The following NCK1 variants were observed in gnomAD, a reference collection of about 807,000 sequenced individuals.
NCK1 encodes the protein NCK adaptor protein 1, also known as SH2/SH3 adapter protein NCK1.
In NCK1, 19 loss-of-function variants were observed where a neutral mutation model predicts 36.6. That is an observed-to-expected ratio of 0.52 (90% CI 0.36 to 0.76). The LOEUF is 0.76. Ranked by LOEUF, NCK1 falls within the 30% of genes least tolerant of loss-of-function variation. NCK1 has a pLI of 0.00. For missense variants in NCK1, 358 were observed against 445.6 expected (o/e 0.80, Z 1.77); for synonymous variants, 165 against 156.0 (o/e 1.06, Z -0.43).
At chr3:136,869,752 C>G (rs1938552464) in intron 1 of NCK1, among the ~76,000 whole-genome samples, 1 of 152,068 alleles carries the variant, frequency 6.6e-6, no homozygotes. Context: ...GGTAAAATCT[C>G]TCTGTGGAGG....
chr3:136,867,543 G>C (rs1363472667), intron 1 of NCK1: 1 of 150,908 alleles, frequency 6.6e-6, no homozygotes, highest in African/African-American at 2.4e-5. Flanking sequence ...ACTGTGCCTG[G>C]TCTGTTGCTT....
rs546954847 is a variant in NCK1, at chr3:136,915,004, T to G, written c.-18-12980T>G. 5.6e-4 allele frequency among the ~76,000 whole-genome samples: 85 copies of G among 152,344 alleles called. 1 individual carries two copies. Among genetic ancestry groups the G allele is most frequent in the Non-Finnish European group, 1.1e-3 (73 of 68,024 alleles). ...TCATGTGATCTGTGTACATGCTGGCTTCTCTTTGCCATCTTTCATGGGTGG... is the reference window on the plus strand; with the variant it reads ...TCATGTGATCTGTGTACATGCTGGCGTCTCTTTGCCATCTTTCATGGGTGG... On this transcript the variant is annotated intron_variant, in intron 1 of 3. Transcript: ENST00000481752.
intron 1 of NCK1, among the ~76,000 whole-genome samples, chr3:136,927,504 A>T (rs1167331866): frequency 6.6e-6 from 1 of 152,110 alleles, no homozygotes; most frequent in Non-Finnish European, 1.5e-5. Flanking sequence ...TAATAGAGCA[A>T]CACCAGTCTC....
chr3:136,870,682 G>T (rs1224496241), intron 1 of NCK1, among the ~76,000 whole-genome samples: 6 of 103,076 alleles, frequency 5.8e-5, no homozygotes, highest in Admixed American at 1.2e-4. Context: ...CTTAGCTATA[G>T]TCTTTAAAAA....
At chr3:136,904,180 T>C (rs1459209950) in intron 1 of NCK1, among the ~76,000 whole-genome samples, 2 of 152,194 alleles carry the variant, frequency 1.3e-5, no homozygotes, top group African/African-American at 4.8e-5. Context: ...TTTTAGACAG[T>C]CTCGCTCTGC....
intron 1 of NCK1, among the ~76,000 whole-genome samples, chr3:136,863,896 T>C (rs781610950): frequency 4.0e-5 from 6 of 151,042 alleles, no homozygotes; most frequent in Admixed American, 4.0e-4. Context: ...GGTCAGGAGA[T>C]TGAAACCACC....
chr3:136,914,472 C>T (rs1939906348), intron 1 of NCK1, among the ~76,000 whole-genome samples: 1 of 152,114 alleles, frequency 6.6e-6, no homozygotes, highest in Non-Finnish European at 1.5e-5. Context: ...TTGTTGCTTC[C>T]TACTCTGCTT....
intron 2 of NCK1, among the ~76,000 whole-genome samples, chr3:136,942,359 G>A (rs1008448013): frequency 6.6e-6 from 1 of 152,122 alleles, no homozygotes; most frequent in Non-Finnish European, 1.5e-5. Context: ...CTTGTTTAGT[G>A]ACTTTACTAA....
At chr3:136,870,341 C>CA (rs34144951) in intron 1 of NCK1, among the ~76,000 whole-genome samples, 100,765 of 146,322 alleles carry the variant, frequency 0.69, 34,461 homozygotes, top group East Asian at 0.86. Flanking sequence ...GACTTAATCT[C>CA]AAAAAAAAAA....
At chr3:136,887,602 T>A (rs554048294) in intron 1 of NCK1, among the ~76,000 whole-genome samples, 1 of 152,362 alleles carries the variant, frequency 6.6e-6, no homozygotes, top group African/African-American at 2.4e-5. Flanking sequence ...TTAAGTTATT[T>A]GTCACCTGGA....
intron 2 of NCK1, among the ~76,000 whole-genome samples, chr3:136,937,872 A>G (rs1940573384): frequency 6.6e-6 from 1 of 152,022 alleles, no homozygotes; most frequent in African/African-American, 2.4e-5. Context: ...TTATAAGATC[A>G]TGTCATCTGT....
chr3:136,887,086 C>T (rs1939093790), intron 1 of NCK1, among the ~76,000 whole-genome samples: 1 of 152,108 alleles, frequency 6.6e-6, no homozygotes, highest in Non-Finnish European at 1.5e-5. Flanking sequence ...TCAGGTGATC[C>T]ACCTGCTTTG....
intron 1 of NCK1, among the ~76,000 whole-genome samples, chr3:136,870,977 G>T (rs1287624502): frequency 1.3e-5 from 2 of 152,256 alleles, no homozygotes; most frequent in Admixed American, 1.3e-4. Context: ...ATTTCCAGGT[G>T]TGTGTATGTG....
In NCK1 at chr3:136,899,834, GTC is replaced by G. The variant is rs1939493506; in HGVS notation, c.-18-28144_-18-28143del. 6 of 1,475,834 alleles carry G rather than the reference GTC, an allele frequency of 4.1e-6. No individual in the cohort carries two copies. The Admixed American group carries it at 5.0e-5, about 12-fold the overall frequency. 91.4% of individuals were successfully genotyped at this position (1,475,834 alleles called of 1,614,324 possible). ...CTGATAAAGCTAGTGCAACTTCTAA[GTC>G]TCTCTGGTAGAGCTTATCATCTAAA... On this transcript the variant is annotated intron_variant, in intron 1 of 3. Transcript: ENST00000481752.
Position 136,950,671 on chromosome 3 carries a change from C to G in NCK1, c.*2218C>G, listed in dbSNP as rs1576998913. On this transcript the variant is annotated 3_prime_UTR_variant, in exon 4 of 4. Transcript: ENST00000481752. ...TAGTAACAATACTTGTATAAGAAAC[C>G]AAGTTTCCTTATTCCCAGCCTGGTG... Among the ~76,000 whole-genome samples the G allele has an allele frequency of 1.3e-5, 2 of 152,008 alleles. No individual in the cohort carries two copies. The highest frequency in any genetic ancestry group is 4.8e-5 in the African/African-American group (2 of 41,392).
At chr3:136,934,166 C>T (rs2108137290) in intron 2 of NCK1, among the ~76,000 whole-genome samples, 1 of 152,016 alleles carries the variant, frequency 6.6e-6, no homozygotes, top group South Asian at 2.1e-4. Flanking sequence ...TTTTACACAC[C>T]ACCATTGTAC....
chr3:136,862,671 T>A (rs1418676766), intron 1 of NCK1, among the ~76,000 whole-genome samples: 1 of 150,722 alleles, frequency 6.6e-6, no homozygotes, highest in South Asian at 2.1e-4. Context: ...GGAGGTCGAG[T>A]GTGCGGCGCG....
At chr3:136,916,725 A>T (rs970971501) in intron 1 of NCK1, among the ~76,000 whole-genome samples, 7 of 152,214 alleles carry the variant, frequency 4.6e-5, no homozygotes, top group Non-Finnish European at 1.0e-4. Context: ...GTTTAGTGTA[A>T]TGAAAAACTT....
chr3:136,921,542 T>C (rs536461035), intron 1 of NCK1, among the ~76,000 whole-genome samples: 90 of 152,226 alleles, frequency 5.9e-4, no homozygotes, highest in Admixed American at 5.2e-4. Flanking sequence ...TCTTTGGATA[T>C]TCTATGCATG....
Sources: allele counts gnomAD v4.1 joint callset (sites outside exome capture counted in the v4.1 genomes callset), GRCh38; gene constraint gnomAD v4.1.1; transcripts MANE v1.5; gene names NCBI Gene and HGNC (gene_info 2026-07-23, HGNC 2026-07-21).